Variants in PPP1R14C observed in about 807,000 individuals in gnomAD.
The protein encoded by PPP1R14C is protein phosphatase 1 regulatory subunit 14C.
PPP1R14C carries 16 observed loss-of-function variants against 20.4 expected under a neutral mutation model. The ratio of observed to expected loss-of-function variants is 0.78; its 90% CI spans 0.53 to 1.19. The LOEUF (loss-of-function observed/expected upper bound fraction) is 1.19, where lower values mean the gene tolerates loss of function less well. Among genes scored for constraint, PPP1R14C ranks in the 50% most tolerant of loss-of-function variants. PPP1R14C has a pLI of 0.00. For synonymous variants in PPP1R14C, 91 were observed against 91.0 expected (o/e 1.00, Z 0.00); for missense variants, 211 against 220.1 (o/e 0.96, Z 0.26).
intron 3 of PPP1R14C, among the ~76,000 whole-genome samples, chr6:150,222,765 C>CTTTTTTTTTTTTT (rs4038164): frequency 8.4e-5 from 6 of 71,278 alleles, no homozygotes; most frequent in Non-Finnish European, 1.2e-4. Flanking sequence ...TTCAAACTGG[C>CTTTTTTTTTTTTT]TTTTTTTTTT....
At chr6:150,216,566 A>T (rs1778096618) in intron 2 of PPP1R14C, among the ~76,000 whole-genome samples, 2 of 152,248 alleles carry the variant, frequency 1.3e-5, no homozygotes, top group Non-Finnish European at 2.9e-5. Context: ...TAGCAAAAAA[A>T]AAAAATAAAT....
chr6:150,214,395 T>C (rs978750577), intron 1 of PPP1R14C, among the ~76,000 whole-genome samples: 1 of 152,172 alleles, frequency 6.6e-6, no homozygotes, highest in Non-Finnish European at 1.5e-5. Flanking sequence ...TTTTGAAAGA[T>C]TACTTTTATG....
At chr6:150,214,978 AAG>A in intron 2 of PPP1R14C, 151 bp downstream of exon 2, 1 of 595,766 alleles carries the variant, frequency 1.7e-6, no homozygotes, top group Non-Finnish European at 2.9e-6. Context: ...ATGGGCTGCT[AAG>A]TGTTCACTCT....
At chr6:150,188,268 T>C (rs1183299186) in intron 1 of PPP1R14C, among the ~76,000 whole-genome samples, 1 of 152,218 alleles carries the variant, frequency 6.6e-6, no homozygotes, top group Non-Finnish European at 1.5e-5. Flanking sequence ...GATGGTGAAA[T>C]AATGTATTTT....
intron 1 of PPP1R14C, among the ~76,000 whole-genome samples, chr6:150,163,544 C>T (rs1314001669): frequency 6.6e-6 from 1 of 152,136 alleles, no homozygotes; most frequent in Admixed American, 6.5e-5. Context: ...CTGCAGGGGT[C>T]CCTCGTGTGT....
At chr6:150,205,146 CCCTGGTGGGTGGGAAAGAGAAACCTG>C (rs1371979895) in intron 1 of PPP1R14C, among the ~76,000 whole-genome samples, 1 of 152,056 alleles carries the variant, frequency 6.6e-6, no homozygotes, top group Non-Finnish European at 1.5e-5. Flanking sequence ...CTGGCAACTT[CCCTGGTGGGTGGGAAAGAGAAACCTG>C]CCTGGTGGGT....
At chr6:150,236,208 T>C (rs1582932570) in intron 3 of PPP1R14C, among the ~76,000 whole-genome samples, 1 of 152,238 alleles carries the variant, frequency 6.6e-6, no homozygotes, top group Non-Finnish European at 1.5e-5. Flanking sequence ...TTTATAATAC[T>C]TGTAATGATC....
chr6:150,211,360 C>T (rs1275348273), intron 1 of PPP1R14C, among the ~76,000 whole-genome samples: 1 of 152,202 alleles, frequency 6.6e-6, no homozygotes, highest in Non-Finnish European at 1.5e-5. Context: ...GAGGGCCTCT[C>T]ACTAATGTGG....
Position 150,214,915 on chromosome 6 carries a change from G to A in PPP1R14C, c.390+88G>A, listed in dbSNP as rs146362298. Reference sequence around the variant, plus strand: ...TCAGTGCTTGGCATCAACTGATTCCGCCCTGTGGTGGTGTTGGCACCAGGA... The same window carrying A: ...TCAGTGCTTGGCATCAACTGATTCCACCCTGTGGTGGTGTTGGCACCAGGA... On this transcript the variant is annotated intron_variant, in intron 2 of 3. Transcript: ENST00000361131. 2.0e-4 allele frequency: 184 copies of A among 914,612 alleles called. 1 individual carries two copies. The Middle Eastern group carries it at 3.3e-3, about 16-fold the overall frequency. 56.7% of individuals were successfully genotyped at this position (914,612 alleles called of 1,614,324 possible).
At chr6:150,217,007 C>CCTG in intron 3 of PPP1R14C, 151 bp downstream of exon 3, 1 of 580,712 alleles carries the variant, frequency 1.7e-6, no homozygotes, top group Non-Finnish European at 3.0e-6. Flanking sequence ...TTGAATAGCT[C>CCTG]TAACTTCATT....
intron 3 of PPP1R14C, among the ~76,000 whole-genome samples, chr6:150,217,526 C>T (rs1778110518): frequency 6.6e-6 from 1 of 152,002 alleles, no homozygotes; most frequent in Non-Finnish European, 1.5e-5. Flanking sequence ...AGCGTAAAGG[C>T]AGGTCTGTCT....
intron 1 of PPP1R14C, among the ~76,000 whole-genome samples, chr6:150,164,102 C>T (rs374589014): frequency 6.6e-5 from 10 of 152,248 alleles, no homozygotes; most frequent in South Asian, 2.1e-4. Context: ...CATTATGGTT[C>T]GAATTTACAT....
At chr6:150,223,981 G>GCACTTTA (rs1234323393) in intron 3 of PPP1R14C, among the ~76,000 whole-genome samples, 1 of 152,128 alleles carries the variant, frequency 6.6e-6, no homozygotes, top group Non-Finnish European at 1.5e-5. Flanking sequence ...TTATAGTTTT[G>GCACTTTA]CACTTTACAT....
chr6:150,228,125 T>C (rs947361991), intron 3 of PPP1R14C, among the ~76,000 whole-genome samples: 1 of 152,154 alleles, frequency 6.6e-6, no homozygotes, highest in African/African-American at 2.4e-5. Context: ...CTGATTAAGA[T>C]TTATAAATTG....
At position 150,143,676 on chromosome 6, in the gene PPP1R14C, C is replaced by G. The variant is rs1777150019; in HGVS notation, c.306+178C>G. ...CGGTGCCCTCTGGCGTCGGGCTCAGCGGTTGGGACGCCCCTGTCTGGGTTC... is the reference window on the plus strand; with the variant it reads ...CGGTGCCCTCTGGCGTCGGGCTCAGGGGTTGGGACGCCCCTGTCTGGGTTC... On this transcript the variant is annotated intron_variant, in intron 1 of 3. Transcript: ENST00000361131. This position sits in a 1 kb window ranked among gnomAD's most constrained non-coding sequence, Gnocchi z 5.6. 6.6e-6 allele frequency among the ~76,000 whole-genome samples: 1 copy of G among 152,330 alleles called. No individual in the cohort carries two copies. The highest frequency in any genetic ancestry group is 1.5e-5 in the Non-Finnish European group (1 of 68,030).
At chr6:150,204,223 C>T (rs1241662666) in intron 1 of PPP1R14C, among the ~76,000 whole-genome samples, 1 of 152,170 alleles carries the variant, frequency 6.6e-6, no homozygotes, top group Admixed American at 6.5e-5. Context: ...CTGTCTCAGC[C>T]GTCACTTATT....
At chr6:150,190,235 A>G (rs1777725477) in intron 1 of PPP1R14C, among the ~76,000 whole-genome samples, 1 of 151,772 alleles carries the variant, frequency 6.6e-6, no homozygotes. Context: ...TATATCTCCA[A>G]CTTCCTCTTC....
At chr6:150,241,688 A>G (rs1582935539) in intron 3 of PPP1R14C, among the ~76,000 whole-genome samples, 2 of 152,188 alleles carry the variant, frequency 1.3e-5, no homozygotes, top group Admixed American at 1.3e-4. Flanking sequence ...GGAGTTCGAG[A>G]CCAGCCTAGC....
At chr6:150,167,223 C>T (rs1230734806) in intron 1 of PPP1R14C, among the ~76,000 whole-genome samples, 1 of 152,124 alleles carries the variant, frequency 6.6e-6, no homozygotes, top group Non-Finnish European at 1.5e-5. Context: ...AAAAAATTAG[C>T]TGGGCATGGT....
Sources: allele counts gnomAD v4.1 joint callset (sites outside exome capture counted in the v4.1 genomes callset), GRCh38; gene constraint gnomAD v4.1.1; non-coding constraint Gnocchi (gnomAD v3.1); transcripts MANE v1.5; gene names NCBI Gene and HGNC (gene_info 2026-07-23, HGNC 2026-07-21).